The following KALRN variants were observed in gnomAD, a reference collection of about 807,000 sequenced individuals.
KALRN encodes kalirin RhoGEF kinase.
In KALRN, 70 loss-of-function variants were observed where a neutral mutation model predicts 353.7. The observed-to-expected ratio is 0.20, with a 90% CI of 0.16 to 0.24. The LOEUF (loss-of-function observed/expected upper bound fraction) is 0.24, where lower values mean the gene tolerates loss of function less well. Ranked by LOEUF, KALRN falls within the 10% of genes least tolerant of loss-of-function variation. The pLI is 1.00. For missense variants in KALRN, 2,791 were observed against 3,756.7 expected (o/e 0.74, Z 6.72); for synonymous variants, 1,391 against 1,434.8 (o/e 0.97, Z 0.69).
At chr3:124,492,931 G>A (rs1561125883) in intron 32 of KALRN, 49 bp downstream of exon 32, 1 of 1,596,296 alleles carries the variant, frequency 6.3e-7, no homozygotes, top group Non-Finnish European at 8.6e-7. Context: ...AGGCTTCCGG[G>A]TGCGGGAATG....
rs148761666 is a variant in KALRN, at chr3:124,689,354, C to T, written c.7378-4450C>T. Among the ~76,000 whole-genome samples the T allele has an allele frequency of 3.2e-3, 485 of 152,166 alleles. 1 individual carries two copies. The highest frequency in any genetic ancestry group is 5.4e-3 in the Non-Finnish European group (367 of 67,996). On this transcript the variant is annotated intron_variant, in intron 51 of 59. Transcript: ENST00000682506. ...CTCAGCTTCCCGAGTAGCTGTGCACCACCACACCTAGCTCATTTGTTTTTA... is the reference window on the plus strand; with the variant it reads ...CTCAGCTTCCCGAGTAGCTGTGCACTACCACACCTAGCTCATTTGTTTTTA...
At chr3:124,543,839 G>A (rs1284584124) in intron 33 of KALRN, among the ~76,000 whole-genome samples, 2 of 152,116 alleles carry the variant, frequency 1.3e-5, no homozygotes, top group African/African-American at 4.8e-5. Flanking sequence ...TATAAGAAAA[G>A]AAAGACAAGG....
intron 10 of KALRN, among the ~76,000 whole-genome samples, chr3:124,360,924 C>T (rs1009146174): frequency 1.3e-5 from 2 of 152,090 alleles, no homozygotes; most frequent in Non-Finnish European, 2.9e-5. Context: ...TTTGCCTTCA[C>T]GAAAAGATTT....
chr3:124,701,888 C>CCAGA, intron 56 of KALRN, 150 bp from the exon 57 acceptor site: 1 of 584,010 alleles, frequency 1.7e-6, no homozygotes, highest in Non-Finnish European at 3.0e-6. Context: ...AAATAACATT[C>CCAGA]CAGAGAATCA....
chr3:124,036,241 G>A (rs916368376), intron 1 of KALRN, among the ~76,000 whole-genome samples: 13 of 151,886 alleles, frequency 8.6e-5, no homozygotes, highest in African/African-American at 2.9e-4. Context: ...AGTAGGCTCC[G>A]GTGTTTGTTA....
intron 10 of KALRN, among the ~76,000 whole-genome samples, chr3:124,367,605 A>C (rs1576338254): frequency 1.2e-4 from 3 of 24,012 alleles, no homozygotes; most frequent in Admixed American, 4.1e-4. Flanking sequence ...GGCGCCCCTC[A>C]CCTCCCGGAC....
In KALRN at chr3:124,719,682, A is replaced by G; in HGVS notation, c.*212A>G. 1 of 543,406 alleles carries G rather than the reference A, an allele frequency of 1.8e-6. No homozygotes were observed. Among genetic ancestry groups the G allele is most frequent in the Non-Finnish European group, 3.3e-6 (1 of 305,480 alleles). The allele number at this position is 543,406 out of a possible 1,614,324, so 33.7% of individuals were successfully genotyped here. A position where few individuals can be genotyped will look rare whatever the true frequency, so the allele number is the denominator to read the frequency against. ...GGGGCTTTTCAGAAGGTCATTCTGAAGAAATAAAGAGGCAAAGGGTCACAG... is the reference window on the plus strand; with the variant it reads ...GGGGCTTTTCAGAAGGTCATTCTGAGGAAATAAAGAGGCAAAGGGTCACAG... On this transcript the variant is annotated 3_prime_UTR_variant, in exon 60 of 60. Coordinates refer to ENST00000682506, the MANE Select transcript of KALRN (RefSeq NM_001388419.1). This position sits in a 1 kb window ranked among gnomAD's most constrained non-coding sequence, Gnocchi z 5.3.
chr3:124,682,406 C>T (rs537027851), intron 51 of KALRN, among the ~76,000 whole-genome samples: 90 of 152,192 alleles, frequency 5.9e-4, no homozygotes, highest in African/African-American at 2.1e-3. Flanking sequence ...TTCCTGGAAC[C>T]CCAGCTGACA....
At chr3:124,537,288 T>C (rs332419) in intron 33 of KALRN, among the ~76,000 whole-genome samples, 83,199 of 152,066 alleles carry the variant, frequency 0.55, 24,025 homozygotes, top group African/African-American at 0.73. Flanking sequence ...GTGATCCTCC[T>C]GCCTTGGCCT....
intron 10 of KALRN, among the ~76,000 whole-genome samples, chr3:124,352,781 G>T (rs1031487663): frequency 6.6e-6 from 1 of 151,630 alleles, no homozygotes; most frequent in Non-Finnish European, 1.5e-5. Context: ...ACCAAACACC[G>T]CATGTTCTCA....
chr3:124,326,304 C>T (rs551596467), intron 7 of KALRN, 133 bp downstream of exon 7: 16 of 585,116 alleles, frequency 2.7e-5, no homozygotes, highest in African/African-American at 1.1e-4. Context: ...AAGACCCTGC[C>T]GAGTCATTGC....
At chr3:124,452,213 G>GC (rs1160966098) in intron 21 of KALRN, among the ~76,000 whole-genome samples, 3 of 152,240 alleles carry the variant, frequency 2.0e-5, no homozygotes, top group African/African-American at 7.2e-5. Context: ...ATGTCTAAGT[G>GC]CACTTATCCA....
intron 8 of KALRN, among the ~76,000 whole-genome samples, chr3:124,333,177 T>C (rs1177121443): frequency 6.6e-6 from 1 of 152,210 alleles, no homozygotes; most frequent in African/African-American, 2.4e-5. Flanking sequence ...CCCACCCGCA[T>C]GATTCAGTTA....
Position 124,284,715 on chromosome 3 carries a change from C to T in KALRN, c.970-14076C>T, listed in dbSNP as rs183089976. ...TAAGTGAATGAACAATCACACTAAA[C>T]ATCATGAGGGTGTGACTCTTGGTAT... On this transcript the variant is annotated intron_variant, in intron 5 of 59. Coordinates refer to ENST00000682506, the MANE Select transcript of KALRN (RefSeq NM_001388419.1). 4.7e-3 allele frequency among the ~76,000 whole-genome samples: 717 copies of T among 152,296 alleles called. 5 individuals carry two copies. Among genetic ancestry groups the T allele is most frequent in the Middle Eastern group, 0.01 (3 of 294 alleles).
chr3:124,383,475 T>G (rs1189430789), intron 10 of KALRN, among the ~76,000 whole-genome samples: 1 of 152,206 alleles, frequency 6.6e-6, no homozygotes, highest in Non-Finnish European at 1.5e-5. Context: ...TTTTAGTAGT[T>G]TTCTGGCAGT....
At chr3:124,091,636 G>A (rs1456686722) in intron 1 of KALRN, among the ~76,000 whole-genome samples, 2 of 152,134 alleles carry the variant, frequency 1.3e-5, no homozygotes, top group Non-Finnish European at 2.9e-5. Context: ...ATCCGGATGG[G>A]CATCAGCCCT....
At chr3:124,644,820 G>A (rs2713654) in intron 37 of KALRN, among the ~76,000 whole-genome samples, 52,844 of 152,030 alleles carry the variant, frequency 0.35, 9,381 homozygotes, top group East Asian at 0.47. Flanking sequence ...AGAATGATTT[G>A]TAATCCTTTG....
chr3:124,395,540 G>GC, intron 12 of KALRN, 197 bp downstream of exon 12: 1 of 541,488 alleles, frequency 1.8e-6, no homozygotes, highest in Non-Finnish European at 3.3e-6. Context: ...AAGCTTTAAT[G>GC]TTTCAAAGAA....
intron 5 of KALRN, among the ~76,000 whole-genome samples, chr3:124,285,879 C>T (rs1267831382): frequency 6.6e-6 from 1 of 152,150 alleles, no homozygotes; most frequent in Non-Finnish European, 1.5e-5. Context: ...TCACTTGCCA[C>T]ATTTCAAATA....
Sources: gnomAD v4.1 joint callset for allele counts (sites outside exome capture counted in the v4.1 genomes callset) on GRCh38, gnomAD v4.1.1 for gene constraint, Gnocchi (gnomAD v3.1) non-coding constraint, MANE v1.5 for transcripts, NCBI Gene and HGNC (gene_info 2026-07-23, HGNC 2026-07-21) for gene names.